KDM2B: variants seen among roughly 807,000 people sequenced by gnomAD.
KDM2B encodes lysine-specific demethylase 2B.
A neutral mutation model predicts 150.0 loss-of-function variants in KDM2B; 26 were observed. The observed-to-expected ratio is 0.17, with a 90% CI of 0.13 to 0.24. The LOEUF (loss-of-function observed/expected upper bound fraction) is 0.24. Among genes scored for constraint, KDM2B ranks in the 10% least tolerant of loss-of-function variants. KDM2B has a pLI of 1.00. For missense variants in KDM2B, 1,265 were observed against 1,816.9 expected (o/e 0.70, Z 5.52); for synonymous variants, 734 against 729.5 (o/e 1.01, Z -0.10).
At chr12:121,438,830 T>TAA (rs782041300) in intron 22 of KDM2B, among the ~76,000 whole-genome samples, 13 of 137,754 alleles carry the variant, frequency 9.4e-5, no homozygotes, top group African/African-American at 2.9e-4. Context: ...TTTCTAAGGG[T>TAA]AAAAAAAAAA....
intron 12 of KDM2B, among the ~76,000 whole-genome samples, chr12:121,457,808 T>A (rs371214488): frequency 6.6e-6 from 1 of 151,576 alleles, no homozygotes. Context: ...CTCTTCTCCA[T>A]CAGCAACTCA....
intron 22 of KDM2B, among the ~76,000 whole-genome samples, chr12:121,437,991 C>T (rs1335501172): frequency 2.0e-5 from 3 of 151,972 alleles, no homozygotes; most frequent in African/African-American, 4.8e-5. Flanking sequence ...TGGTGGCACA[C>T]GCCTGTAATC....
At chr12:121,484,654 CA>C (rs200005995) in intron 12 of KDM2B, among the ~76,000 whole-genome samples, 2 of 150,914 alleles carry the variant, frequency 1.3e-5, no homozygotes, top group Non-Finnish European at 3.0e-5. Flanking sequence ...CCCATCTCTA[CA>C]AAAAAAACAA....
intron 1 of KDM2B, 21 bp downstream of exon 1, chr12:121,580,765 C>T (rs782478603): frequency 1.2e-6 from 2 of 1,611,124 alleles, no homozygotes; most frequent in Non-Finnish European, 1.7e-6. Flanking sequence ...CTTCTTTCAT[C>T]CACCCCTCCC....
At chr12:121,505,931 G>C (rs1448200878) in intron 11 of KDM2B, among the ~76,000 whole-genome samples, 1 of 152,200 alleles carries the variant, frequency 6.6e-6, no homozygotes, top group Non-Finnish European at 1.5e-5. Flanking sequence ...GCGTACATCT[G>C]GGGAGAACAG....
chr12:121,549,694 A>G lies in KDM2B; in HGVS notation c.398-56T>C. 1 of 1,457,598 alleles carries G rather than the reference A, an allele frequency of 6.9e-7. No individual in the cohort carries two copies. The highest frequency in any genetic ancestry group is 2.4e-5 in the East Asian group (1 of 41,966). The allele number at this position is 1,457,598 out of a possible 1,614,324, so 90.3% of individuals were successfully genotyped here. ...CTGCCGGCTTAAGGCTCCAGATCCT[A>G]CATGGGAGCCCCTCACTAAACAAAA... On this transcript the variant is annotated intron_variant, in intron 4 of 22. Transcript: ENST00000377071. The surrounding 1 kb of genome is among the most constrained non-coding windows in gnomAD (Gnocchi z 4.4).
chr12:121,425,306 CAAAAAAAAAAAA>C (rs562993599), downstream of KDM2B, among the ~76,000 whole-genome samples: 3 of 79,146 alleles, frequency 3.8e-5, no homozygotes, highest in African/African-American at 1.0e-4. Flanking sequence ...AACTCCGTCT[CAAAAAAAAAAAA>C]AAAAAAAGAG....
chr12:121,542,509 T>G (rs1888688592), intron 6 of KDM2B, among the ~76,000 whole-genome samples: 1 of 152,238 alleles, frequency 6.6e-6, no homozygotes, highest in Non-Finnish European at 1.5e-5. Flanking sequence ...GTTCCCAGAT[T>G]CCTGAATCAC....
intron 13 of KDM2B, among the ~76,000 whole-genome samples, chr12:121,446,207 ACC>A (rs1555290272): frequency 1.3e-5 from 2 of 151,114 alleles, no homozygotes; most frequent in Non-Finnish European, 2.9e-5. Flanking sequence ...CATCCCGGCT[ACC>A]ACGGTGAAAC....
rs1339751256 is a variant in KDM2B, at chr12:121,453,363, G to T, written c.1735-19C>A. 2 of 1,540,006 alleles carry T rather than the reference G, an allele frequency of 1.3e-6. No homozygotes were observed. The highest frequency in any genetic ancestry group is 1.4e-5 in the African/African-American group (1 of 72,962). ...CCCGGTTCTGCAGGGGAACAGACAC[G>T]ACTGGTCAGATGGGGAGACTGCAGG... On this transcript the variant is annotated intron_variant, in intron 12 of 22. Coordinates refer to ENST00000377071, the MANE Select transcript of KDM2B (RefSeq NM_032590.5). This position sits in a 1 kb window ranked among gnomAD's most constrained non-coding sequence, Gnocchi z 6.4.
intron 8 of KDM2B, among the ~76,000 whole-genome samples, chr12:121,526,292 G>A (rs782263921): frequency 3.9e-5 from 6 of 152,186 alleles, no homozygotes; most frequent in Admixed American, 1.3e-4. Context: ...GGTAAAAGTT[G>A]CAGTGAGCCA....
chr12:121,425,988 C>G (rs1240013098), downstream of KDM2B, among the ~76,000 whole-genome samples: 2 of 152,170 alleles, frequency 1.3e-5, no homozygotes, highest in Middle Eastern at 3.4e-3. Flanking sequence ...AGGATAGTCT[C>G]AATCTCCTGA....
At position 121,509,947 on chromosome 12, in the gene KDM2B, C is replaced by T. The variant is rs781875087; in HGVS notation, c.1267G>A (p.Glu423Lys). ...CCCTCGCCCTCCTCGTCCTTCTCCT[C>T]CTCCTCCTGAGGCTGCTGATCACAG... ...EACDQQPQEE[E>K]EKDEEGEGRD... Residue 423 changes from glutamate (E) to lysine (K), a missense_variant, in exon 11 of 23, where the codon GAG becomes AAG. Physicochemically the swap from Glu to Lys is moderately conservative, Grantham distance 56. This residue lies in a region of KDM2B where 154 missense variants were observed against 162.5 expected (regional missense o/e 0.95). Transcript: ENST00000377071. The T allele has an allele frequency of 3.7e-6, 6 of 1,612,074 alleles. No individual in the cohort carries two copies. In the Admixed American group the frequency reaches 6.7e-5, roughly 18 times the overall value.
intron 8 of KDM2B, 55 bp downstream of exon 8, chr12:121,532,751 C>G (rs1412582187): frequency 3.1e-6 from 5 of 1,590,598 alleles, no homozygotes; most frequent in Non-Finnish European, 4.3e-6. Flanking sequence ...GCCTAAAACC[C>G]TGGCTCAGGC....
intron 6 of KDM2B, 50 bp from the exon 7 acceptor site, chr12:121,534,640 A>G (rs150071385): frequency 3.6e-6 from 5 of 1,405,544 alleles, no homozygotes; most frequent in Middle Eastern, 1.8e-4. Context: ...TCTAAATCAC[A>G]AGACGTAAGC....
chr12:121,418,594 G>A, the KDM2B span: 2 of 152,342 alleles, frequency 1.3e-5, no homozygotes, highest in East Asian at 3.8e-4. Context: ...GGTGGTGTGA[G>A]CCTGCAGTCT....
intron 8 of KDM2B, chr12:121,524,931 G>C (rs1230086212): frequency 1.2e-5 from 3 of 256,608 alleles, no homozygotes; most frequent in African/African-American, 2.2e-5. Flanking sequence ...GGGCAGGTGG[G>C]GCTCACCCAC....
At chr12:121,426,442 C>G (rs1402637044), downstream of KDM2B, among the ~76,000 whole-genome samples, 1 of 134,824 alleles carries the variant, frequency 7.4e-6, no homozygotes, top group South Asian at 2.7e-4. Context: ...CTTTCTACCC[C>G]CTCCCCCCCC....
At chr12:121,574,372 G>A (rs1358784667) in intron 4 of KDM2B, 175 bp downstream of exon 4, 5 of 580,428 alleles carry the variant, frequency 8.6e-6, no homozygotes, top group Non-Finnish European at 1.5e-5. Context: ...TCTTAAGACT[G>A]CAACCCTACC....
Sources: gnomAD v4.1 joint callset for allele counts (sites outside exome capture counted in the v4.1 genomes callset) on GRCh38, gnomAD v4.1.1 for gene constraint, gnomAD v4.1.1 regional missense constraint, Gnocchi (gnomAD v3.1) non-coding constraint, MANE v1.5 for transcripts, NCBI Gene and HGNC (gene_info 2026-07-23, HGNC 2026-07-21) for gene names.